The following B9D1 variants were observed in gnomAD, a reference collection of about 807,000 sequenced individuals.
B9D1 encodes the protein B9 domain-containing protein 1.
B9D1 carries 20 observed loss-of-function variants against 26.1 expected under a neutral mutation model. The observed-to-expected ratio is 0.77, with a 90% CI of 0.54 to 1.12. B9D1 has a LOEUF of 1.12. Ranked by LOEUF, B9D1 falls within the 50% of genes most tolerant of loss-of-function variation. The pLI, the probability that B9D1 is intolerant of heterozygous loss-of-function variation, is 0.00. For missense variants in B9D1, 260 were observed against 273.7 expected (o/e 0.95, Z 0.35); for synonymous variants, 105 against 103.1 (o/e 1.02, Z -0.11).
downstream of B9D1, chr17:19,342,941 A>T (rs1357794075): frequency 2.6e-6 from 1 of 378,668 alleles, no homozygotes; most frequent in Non-Finnish European, 4.1e-6. Context: ...AGTTCAAGGA[A>T]CAATGTGTTG....
downstream of B9D1, among the ~76,000 whole-genome samples, chr17:19,338,362 G>A (rs1372920168): frequency 6.6e-6 from 1 of 152,250 alleles, no homozygotes; most frequent in Non-Finnish European, 1.5e-5. Flanking sequence ...CCTGCTGCCT[G>A]TGGGTGGATG....
downstream of B9D1, among the ~76,000 whole-genome samples, chr17:19,342,227 G>A (rs1386134552): frequency 6.6e-6 from 1 of 152,186 alleles, no homozygotes; most frequent in Non-Finnish European, 1.5e-5. Flanking sequence ...TTCCTATTCC[G>A]AGAAGATGGA....
upstream of B9D1, among the ~76,000 whole-genome samples, chr17:19,367,263 G>A (rs1443369613): frequency 4.6e-5 from 7 of 150,688 alleles, no homozygotes; most frequent in Non-Finnish European, 1.0e-4. Flanking sequence ...CAACAATGTT[G>A]TGTGTTTATT....
intron 3 of B9D1, among the ~76,000 whole-genome samples, chr17:19,355,355 C>G (rs951926243): frequency 8.5e-5 from 13 of 152,110 alleles, no homozygotes; most frequent in Admixed American, 8.5e-4. Context: ...TGGTGAAACC[C>G]TGTATCTACT....
chr17:19,343,904 T>C (rs561469956), intron 5 of B9D1, 47 bp from the exon 6 acceptor site: 1 of 1,612,438 alleles, frequency 6.2e-7, no homozygotes, highest in East Asian at 2.2e-5. Flanking sequence ...ACCTGGGCAT[T>C]CCTGGTCTTG....
At position 19,373,648 on chromosome 17, in the gene B9D1, C is replaced by T. The variant is rs1045240827; in HGVS notation, c.-298+4211G>A. 5.9e-5 allele frequency among the ~76,000 whole-genome samples: 9 copies of T among 152,270 alleles called. No homozygotes were observed. The South Asian group carries it at 1.0e-3, about 18-fold the overall frequency. On this transcript the variant is annotated intron_variant, in intron 1 of 5. Coordinates refer to the B9D1 transcript ENST00000477478. The stretch of plus-strand genomic sequence containing the variant: ...CCCTGACCTCAGGTGATCCACCTGC[C>T]GCGGACTCCCAAAGTGCCAGGATTG...
intron 1 of B9D1, among the ~76,000 whole-genome samples, chr17:19,369,513 T>TG (rs944800021): frequency 6.6e-6 from 1 of 152,116 alleles, no homozygotes; most frequent in African/African-American, 2.4e-5. Context: ...GGGTAGGAGA[T>TG]GAGGTCAGAG....
chr17:19,349,359 G>C (rs1294199252), intron 3 of B9D1, among the ~76,000 whole-genome samples: 1 of 150,772 alleles, frequency 6.6e-6, no homozygotes, highest in Non-Finnish European at 1.5e-5. Context: ...TTTTCTACTT[G>C]ATGGTCTTTT....
intron 1 of B9D1, among the ~76,000 whole-genome samples, chr17:19,375,242 A>T (rs935737685): frequency 6.6e-6 from 1 of 151,764 alleles, no homozygotes; most frequent in Non-Finnish European, 1.5e-5. Flanking sequence ...GTGAGCTGAG[A>T]TCCTACCACC....
At chr17:19,362,859 G>A, upstream of B9D1, 1 of 666,366 alleles carries the variant, frequency 1.5e-6, no homozygotes, top group Non-Finnish European at 2.4e-6. Context: ...GGTAAAGCCA[G>A]CCCTACCGCT....
At chr17:19,339,914 A>G (rs938464140), downstream of B9D1, among the ~76,000 whole-genome samples, 1 of 152,080 alleles carries the variant, frequency 6.6e-6, no homozygotes, top group Non-Finnish European at 1.5e-5. Context: ...GCCAGGAGAA[A>G]AGGGAGATAG....
rs1909016952 is a variant in B9D1, at chr17:19,347,693, G to A, written c.341+91C>T. On this transcript the variant is annotated intron_variant, in intron 4 of 6. Transcript: ENST00000261499. This position sits in a 1 kb window ranked among gnomAD's most constrained non-coding sequence, Gnocchi z 4.3. ...TGCCCAGGCCCCTGGAGACCCCAGA[G>A]CATTCCCAGCCTGAACCTAAGACAG... 7.7e-7 allele frequency: 1 copy of A among 1,306,326 alleles called. No individual in the cohort carries two copies. Among genetic ancestry groups the A allele is most frequent in the East Asian group, 2.5e-5 (1 of 40,752 alleles). The allele number at this position is 1,306,326 out of a possible 1,614,324, so 80.9% of individuals were successfully genotyped here.
intron 3 of B9D1, among the ~76,000 whole-genome samples, chr17:19,356,436 A>G (rs1910365324): frequency 6.6e-6 from 1 of 152,170 alleles, no homozygotes; most frequent in Admixed American, 6.5e-5. Flanking sequence ...TTGGTGTAAC[A>G]ATCTTGGAGC....
intron 1 of B9D1, among the ~76,000 whole-genome samples, chr17:19,376,382 C>T (rs189436403): frequency 1.3e-5 from 2 of 152,224 alleles, no homozygotes; most frequent in Admixed American, 6.5e-5. Context: ...TTATACCCCT[C>T]CAACATTAAC....
In B9D1 at chr17:19,358,044, G is replaced by A. The variant is rs567560656; in HGVS notation, c.133-93C>T. 33 of 891,272 alleles carry A rather than the reference G, an allele frequency of 3.7e-5. No homozygotes were observed. In the South Asian group the frequency reaches 4.2e-4, roughly 11 times the overall value. 55.2% of individuals were successfully genotyped at this position (891,272 alleles called of 1,614,324 possible). ...CCTTCAGCAGGCAGTTGGGAGGGCT[G>A]TTTTCTCAGCTGTCTTCTCCCAAGA... On this transcript the variant is annotated intron_variant, in intron 2 of 6. Coordinates refer to ENST00000261499, the MANE Select transcript of B9D1 (RefSeq NM_015681.6).
downstream of B9D1, among the ~76,000 whole-genome samples, chr17:19,341,851 G>C (rs1908002851): frequency 6.6e-6 from 1 of 152,206 alleles, no homozygotes; most frequent in African/African-American, 2.4e-5. Flanking sequence ...TCTAAACTGG[G>C]CTGGGAGGAA....
At chr17:19,377,725 C>T in intron 1 of B9D1, 1 of 574,812 alleles carries the variant, frequency 1.7e-6, no homozygotes, top group Non-Finnish European at 2.2e-6. Flanking sequence ...GTCGGGACAG[C>T]TCGGTTCCAG....
upstream of B9D1, among the ~76,000 whole-genome samples, chr17:19,367,080 G>A (rs1399053501): frequency 6.6e-6 from 1 of 152,166 alleles, no homozygotes; most frequent in Non-Finnish European, 1.5e-5. Context: ...TAGGGAAAGG[G>A]CATACATGCT....
chr17:19,349,410 G>A (rs1909293792), intron 3 of B9D1, among the ~76,000 whole-genome samples: 1 of 146,970 alleles, frequency 6.8e-6, no homozygotes. Context: ...TTTTGAGACA[G>A]GGTCTTGCTC....
Sources: gnomAD v4.1 joint callset for allele counts (sites outside exome capture counted in the v4.1 genomes callset) on GRCh38, gnomAD v4.1.1 for gene constraint, Gnocchi (gnomAD v3.1) non-coding constraint, MANE v1.5 for transcripts, NCBI Gene and HGNC (gene_info 2026-07-23, HGNC 2026-07-21) for gene names.